RNF144A: variants seen among roughly 807,000 people sequenced by gnomAD.
The protein encoded by RNF144A is E3 ubiquitin-protein ligase RNF144A.
In RNF144A, 11 loss-of-function variants were observed where a neutral mutation model predicts 38.7. The ratio of observed to expected loss-of-function variants is 0.28; its 90% CI spans 0.18 to 0.47. The LOEUF is 0.47. RNF144A is among the 20% of genes least tolerant of loss of function. The pLI is 0.99. For synonymous variants in RNF144A, 149 were observed against 143.9 expected (o/e 1.04, Z -0.25); for missense variants, 316 against 377.2 (o/e 0.84, Z 1.34).
intron 1 of RNF144A, among the ~76,000 whole-genome samples, chr2:6,923,927 A>T (rs1179509299): frequency 6.6e-6 from 1 of 152,076 alleles, no homozygotes; most frequent in Non-Finnish European, 1.5e-5. Flanking sequence ...TCATTTTTAC[A>T]TTCTCTCAGT....
chr2:6,999,849 G>A (rs1669989833), intron 3 of RNF144A, among the ~76,000 whole-genome samples: 1 of 152,244 alleles, frequency 6.6e-6, no homozygotes, highest in Non-Finnish European at 1.5e-5. Flanking sequence ...TATCTCAAGA[G>A]ATGGACTCAG....
chr2:7,076,064 A>G, the RNF144A span, among the ~76,000 whole-genome samples: 1 of 152,140 alleles, frequency 6.6e-6, no homozygotes, highest in Non-Finnish European at 1.5e-5. Context: ...TTAATTGCAA[A>G]ATCAATGCTG....
chr2:6,983,058 C>G (rs1668733295), intron 2 of RNF144A, among the ~76,000 whole-genome samples: 1 of 152,174 alleles, frequency 6.6e-6, no homozygotes, highest in Non-Finnish European at 1.5e-5. Context: ...GTTTCCAGGT[C>G]CGTGAATAAC....
chr2:7,040,610 T>G lies in RNF144A; in HGVS notation c.*850T>G. On this transcript the variant is annotated 3_prime_UTR_variant, in exon 9 of 9. Coordinates refer to ENST00000320892, the MANE Select transcript of RNF144A (RefSeq NM_014746.6). ...CCAGGTAGCAGAAAACGCTTTTTAT[T>G]GTATTCAATCCCACTGCTTTGCTCG... is the stretch of plus-strand genomic sequence containing the variant. 1.0e-6 allele frequency: 1 copy of G among 985,472 alleles called. No homozygotes were observed. Among genetic ancestry groups the G allele is most frequent in the Non-Finnish European group, 1.2e-6 (1 of 829,936 alleles). 61.0% of individuals were successfully genotyped at this position (985,472 alleles called of 1,614,324 possible). A position where few individuals can be genotyped will look rare whatever the true frequency, so the allele number is the denominator to read the frequency against.
chr2:7,069,156 A>G (rs1235788574), downstream of RNF144A, among the ~76,000 whole-genome samples: 1 of 152,130 alleles, frequency 6.6e-6, no homozygotes, highest in Non-Finnish European at 1.5e-5. Context: ...TGAGTTGGGG[A>G]TAGCTGTGTG....
intron 2 of RNF144A, among the ~76,000 whole-genome samples, chr2:6,947,610 G>A (rs1666421171): frequency 6.6e-6 from 1 of 152,198 alleles, no homozygotes; most frequent in Non-Finnish European, 1.5e-5. Context: ...TATGCCAGAA[G>A]TTACATCATT....
At chr2:7,026,461 A>G (rs1367299544) in intron 7 of RNF144A, among the ~76,000 whole-genome samples, 4 of 151,248 alleles carry the variant, frequency 2.6e-5, no homozygotes, top group Non-Finnish European at 5.9e-5. Flanking sequence ...AGGGCCTTCA[A>G]GGTCTTATTT....
intron 2 of RNF144A, among the ~76,000 whole-genome samples, chr2:6,942,607 A>G (rs1394884923): frequency 2.0e-5 from 3 of 152,236 alleles, no homozygotes; most frequent in East Asian, 3.8e-4. Flanking sequence ...TAATGACTCC[A>G]GGCACTTTAG....
In RNF144A at chr2:6,988,165, G is replaced by A. The variant is rs1189655351; in HGVS notation, c.-11-8751G>A. ...TTTTAGATACAGATTTAGATGGACC[G>A]ATATGGATTTAGATTTAGAAAATGA... On this transcript the variant is annotated intron_variant, in intron 2 of 8. Coordinates refer to ENST00000320892, the MANE Select transcript of RNF144A (RefSeq NM_014746.6). Among the ~76,000 whole-genome samples, 10 of 152,188 alleles carry A rather than the reference G, an allele frequency of 6.6e-5. No homozygotes were observed. The East Asian group carries it at 1.7e-3, about 26-fold the overall frequency.
At chr2:6,934,418 A>G (rs939951936) in intron 1 of RNF144A, among the ~76,000 whole-genome samples, 1 of 152,200 alleles carries the variant, frequency 6.6e-6, no homozygotes, top group Non-Finnish European at 1.5e-5. Flanking sequence ...AATGAGAATA[A>G]TTATTCCCAG....
At chr2:7,057,132 T>C (rs1673772928) in intron 6 of RNF144A, among the ~76,000 whole-genome samples, 1 of 152,216 alleles carries the variant, frequency 6.6e-6, no homozygotes, top group Non-Finnish European at 1.5e-5. Flanking sequence ...ATTAGAGGTT[T>C]AAAGCTGTCA....
chr2:7,040,964 G>T lies in RNF144A; in HGVS notation c.*1204G>T, dbSNP rs976756675. The T allele has an allele frequency of 1.0e-6, 1 of 985,236 alleles. No individual in the cohort carries two copies. Among genetic ancestry groups the T allele is most frequent in the Non-Finnish European group, 1.2e-6 (1 of 829,908 alleles). 61.0% of individuals were successfully genotyped at this position (985,236 alleles called of 1,614,324 possible). On this transcript the variant is annotated 3_prime_UTR_variant, in exon 9 of 9. Transcript: ENST00000320892. ...CAGGGCTGTCTGTGACCATTTCCAT[G>T]GCAGCAGGATGCAGGGATTAATAAG...
intron 7 of RNF144A, among the ~76,000 whole-genome samples, chr2:7,028,030 C>A (rs1175171636): frequency 6.6e-6 from 1 of 152,138 alleles, no homozygotes; most frequent in Non-Finnish European, 1.5e-5. Context: ...AGCTTGTCAT[C>A]TCCCTGACGA....
At chr2:7,053,799 G>A (rs1350234635) in intron 6 of RNF144A, among the ~76,000 whole-genome samples, 4 of 152,226 alleles carry the variant, frequency 2.6e-5, no homozygotes, top group African/African-American at 9.6e-5. Context: ...GTGCACAGGT[G>A]CACACCTCCA....
At chr2:7,027,516 T>A (rs1671988315) in intron 7 of RNF144A, among the ~76,000 whole-genome samples, 1 of 152,238 alleles carries the variant, frequency 6.6e-6, no homozygotes, top group Non-Finnish European at 1.5e-5. Flanking sequence ...CAGCCATCAG[T>A]CCCTGATCTG....
At position 7,039,911 on chromosome 2, in the gene RNF144A, A is replaced by G. The variant is rs958621584; in HGVS notation, c.*151A>G. ...CAGGCTGGACGCCGTGATTTCAGGG[A>G]CCTATGTCACAATGTTCGCTGAGGC... On this transcript the variant is annotated 3_prime_UTR_variant, in exon 9 of 9. Coordinates refer to ENST00000320892, the MANE Select transcript of RNF144A (RefSeq NM_014746.6). 5 of 1,435,252 alleles carry G rather than the reference A, an allele frequency of 3.5e-6. No homozygotes were observed. Among genetic ancestry groups the G allele is most frequent in the Non-Finnish European group, 4.6e-6 (5 of 1,095,374 alleles). 88.9% of individuals were successfully genotyped at this position (1,435,252 alleles called of 1,614,324 possible).
chr2:6,967,060 T>C (rs1389936146), intron 2 of RNF144A, among the ~76,000 whole-genome samples: 1 of 152,104 alleles, frequency 6.6e-6, no homozygotes, highest in Non-Finnish European at 1.5e-5. Flanking sequence ...CAACTTTGTC[T>C]CCTCCCCACA....
At chr2:7,046,023 G>C, downstream of RNF144A, among the ~76,000 whole-genome samples, 1 of 152,220 alleles carries the variant, frequency 6.6e-6, no homozygotes, top group East Asian at 1.9e-4. Context: ...CCAGCAAAGA[G>C]TCTTATCAAC....
intron 2 of RNF144A, among the ~76,000 whole-genome samples, chr2:6,975,992 A>G (rs1306252730): frequency 6.6e-6 from 1 of 152,220 alleles, no homozygotes. Context: ...TCCTTTCTTC[A>G]GCGGCACAGT....
Sources: gnomAD v4.1 joint callset for allele counts (sites outside exome capture counted in the v4.1 genomes callset) on GRCh38, gnomAD v4.1.1 for gene constraint, MANE v1.5 for transcripts, NCBI Gene and HGNC (gene_info 2026-07-23, HGNC 2026-07-21) for gene names.